REPS2: variants seen among roughly 807,000 people sequenced by gnomAD.
REPS2 encodes the protein RALBP1 associated Eps domain containing 2.
Under a neutral mutation model 53.6 loss-of-function variants are expected in REPS2, and 23 were observed. That is an observed-to-expected ratio of 0.43 (90% CI 0.31 to 0.61). REPS2 has a LOEUF of 0.61. Ranked by LOEUF, REPS2 falls within the 20% of genes least tolerant of loss-of-function variation. The pLI is 0.11. For missense variants in REPS2, 446 were observed against 534.9 expected (o/e 0.83, Z 1.64); for synonymous variants, 238 against 218.6 (o/e 1.09, Z -0.78).
At chrX:17,065,691 A>G (rs1056275333) in intron 9 of REPS2, among the ~76,000 whole-genome samples, 6 of 111,453 alleles carry the variant, frequency 5.4e-5, no homozygotes, top group Admixed American at 9.5e-5. Context: ...GGTTCAAGCA[A>G]TTCTCCTGCC....
At chrX:17,069,432 C>T (rs2062273536) in intron 10 of REPS2, among the ~76,000 whole-genome samples, 1 of 112,390 alleles carries the variant, frequency 8.9e-6, no homozygotes, top group African/African-American at 3.2e-5. Flanking sequence ...AATAAGTTTT[C>T]CATTAAGTGA....
In REPS2 at chrX:17,093,182, AT is replaced by A. The variant is rs1569171867; in HGVS notation, c.1517-10535del. On this transcript the variant is annotated intron_variant, in intron 13 of 17. Transcript: ENST00000357277. Reference sequence around the variant, plus strand: ...GAGTTAATGCTATATATATATATATATATATATATATATATATAATTTTTTT... The same window carrying A: ...GAGTTAATGCTATATATATATATATAATATATATATATATATAATTTTTTT... Among the ~76,000 whole-genome samples the A allele has an allele frequency of 1.8e-3, 22 of 11,986 alleles. 2 individuals are homozygous for A. The highest frequency in any genetic ancestry group is 0.025 in the East Asian group (1 of 40). The allele number at this position is 11,986 out of a possible 115,157, so 10.4% of individuals were successfully genotyped here.
At chrX:17,162,819 T>A in the REPS2 span, among the ~76,000 whole-genome samples, 2 of 112,180 alleles carry the variant, frequency 1.8e-5, no homozygotes, top group Admixed American at 9.4e-5. Context: ...TTTACAGAAT[T>A]AGTTCAGGAA....
At chrX:17,119,733 A>G (rs2063113483) in intron 14 of REPS2, among the ~76,000 whole-genome samples, 1 of 111,376 alleles carries the variant, frequency 9.0e-6, no homozygotes, top group Admixed American at 9.6e-5. Flanking sequence ...GTAAGCAATA[A>G]ACTGGTCACC....
intron 5 of REPS2, among the ~76,000 whole-genome samples, chrX:17,036,682 AG>A (rs2061769199): frequency 8.9e-6 from 1 of 111,791 alleles, no homozygotes; most frequent in African/African-American, 3.3e-5. Context: ...GGTAGAGATT[AG>A]GGCTAAAAAA....
intron 2 of REPS2, among the ~76,000 whole-genome samples, chrX:17,009,756 C>T (rs866661199): frequency 8.1e-5 from 9 of 111,495 alleles, no homozygotes; most frequent in African/African-American, 2.9e-4. Flanking sequence ...TCAAAATACA[C>T]AGCAGATTAT....
chrX:17,057,872 A>G, intron 8 of REPS2, among the ~76,000 whole-genome samples: 2 of 112,605 alleles, frequency 1.8e-5, no homozygotes, highest in Non-Finnish European at 3.8e-5. Context: ...TTGGAGACAC[A>G]TGGGGCTTTT....
chrX:16,967,334 C>T (rs1276922429), intron 1 of REPS2, among the ~76,000 whole-genome samples: 1 of 109,593 alleles, frequency 9.1e-6, no homozygotes, highest in East Asian at 2.8e-4. Flanking sequence ...TTTGCCAATC[C>T]CTTCTCTATA....
chrX:17,194,702 T>C, the REPS2 span, among the ~76,000 whole-genome samples: 1 of 111,639 alleles, frequency 9.0e-6, no homozygotes, highest in African/African-American at 3.3e-5. Context: ...CGTGCTCAAA[T>C]TGATAGAACT....
chrX:17,100,569 A>G (rs1312477471), intron 13 of REPS2, among the ~76,000 whole-genome samples: 3 of 112,417 alleles, frequency 2.7e-5, no homozygotes, highest in Non-Finnish European at 3.8e-5. Context: ...TTCATAATCT[A>G]TTAAAGGGTA....
intron 1 of REPS2, among the ~76,000 whole-genome samples, chrX:16,948,108 A>C (rs1217841759): frequency 1.8e-5 from 2 of 112,246 alleles, no homozygotes; most frequent in Non-Finnish European, 3.8e-5. Flanking sequence ...CACCAATGGA[A>C]TATTTAGAGT....
intron 4 of REPS2, among the ~76,000 whole-genome samples, chrX:17,026,598 C>T: frequency 9.1e-6 from 1 of 110,185 alleles, no homozygotes; most frequent in East Asian, 2.9e-4. Context: ...TCTGTTCCTC[C>T]TCCTTAATGC....
the REPS2 span, among the ~76,000 whole-genome samples, chrX:17,188,555 C>T: frequency 1.4e-4 from 16 of 112,043 alleles, no homozygotes; most frequent in Admixed American, 9.5e-5. Flanking sequence ...AGGAAAGGCT[C>T]AGCTGTCATA....
chrX:17,137,013 C>T (rs2063378531), intron 16 of REPS2: 1 of 112,372 alleles, frequency 8.9e-6, no homozygotes, highest in Admixed American at 9.4e-5. Context: ...TATGGATAGA[C>T]CACATTTTAT....
At chrX:17,084,447 A>G (rs943446315) in intron 13 of REPS2, among the ~76,000 whole-genome samples, 3 of 111,353 alleles carry the variant, frequency 2.7e-5, no homozygotes, top group Admixed American at 1.9e-4. Flanking sequence ...TATGGTAACT[A>G]ACTCTATGTT....
chrX:16,990,081 A>G (rs1326275686), intron 1 of REPS2, among the ~76,000 whole-genome samples: 1 of 112,380 alleles, frequency 8.9e-6, no homozygotes, highest in Non-Finnish European at 1.9e-5. Flanking sequence ...GTATATCCAT[A>G]GCATGGAATA....
chrX:17,053,070 C>T lies in REPS2; in HGVS notation c.971+625C>T, dbSNP rs748411673. The stretch of plus-strand genomic sequence containing the variant: ...AATGCTTGGTGCTGCTGTAAACTCT[C>T]GGCTGTGTGTGGGCTAGTTCTTCCC... On this transcript the variant is annotated intron_variant, in intron 7 of 17. Transcript: ENST00000357277. 9.9e-5 allele frequency among the ~76,000 whole-genome samples: 11 copies of T among 111,647 alleles called. No individual in the cohort carries two copies. The South Asian group carries it at 1.1e-3, about 12-fold the overall frequency.
At chrX:17,016,242 C>T (rs1366040129) in intron 2 of REPS2, among the ~76,000 whole-genome samples, 1 of 111,475 alleles carries the variant, frequency 9.0e-6, no homozygotes, top group Non-Finnish European at 1.9e-5. Flanking sequence ...ATCCTTCGCC[C>T]ACTTTAAAGG....
the REPS2 span, among the ~76,000 whole-genome samples, chrX:17,163,005 A>G: frequency 8.9e-6 from 1 of 112,346 alleles, no homozygotes; most frequent in South Asian, 3.7e-4. Flanking sequence ...GGGAGTAAAA[A>G]CAATCAATAG....
Sources: allele counts gnomAD v4.1 joint callset (sites outside exome capture counted in the v4.1 genomes callset), GRCh38; gene constraint gnomAD v4.1.1; transcripts MANE v1.5; gene names NCBI Gene and HGNC (gene_info 2026-07-23, HGNC 2026-07-21).